Variants in KLF7 observed in about 807,000 individuals in gnomAD.
KLF7 encodes KLF transcription factor 7, also known as Krueppel-like factor 7.
Under a neutral mutation model 27.3 loss-of-function variants are expected in KLF7, and 2 were observed. That is an observed-to-expected ratio of 0.07 (90% confidence interval 0.03 to 0.23). The LOEUF is 0.23. Ranked by LOEUF, KLF7 falls within the 10% of genes least tolerant of loss-of-function variation. The pLI, the probability that KLF7 is intolerant of heterozygous loss-of-function variation, is 1.00. For missense variants in KLF7, 221 were observed against 394.1 expected, an observed-to-expected ratio of 0.56 and a Z score of 3.72; for synonymous variants, 165 against 162.4, an observed-to-expected ratio of 1.02 and a Z score of -0.12.
intron 3 of KLF7, among the ~76,000 whole-genome samples, chr2:207,084,935 G>GGTGGATCACTTGAGGTCA (rs1208093429): frequency 6.6e-6 from 1 of 151,960 alleles, no homozygotes; most frequent in African/African-American, 2.4e-5. Context: ...GGCTGAGGTG[G>GGTGGATCACTTGAGGTCA]GTGGATCACT....
intron 2 of KLF7, among the ~76,000 whole-genome samples, chr2:207,111,104 A>T (rs1881935): frequency 6.6e-6 from 1 of 151,928 alleles, no homozygotes; most frequent in Non-Finnish European, 1.5e-5. Flanking sequence ...CCCTGAGGGA[A>T]AAAATCTCCC....
intron 3 of KLF7, 136 bp downstream of exon 3, chr2:207,088,322 A>C: frequency 9.8e-7 from 1 of 1,023,962 alleles, no homozygotes. Flanking sequence ...GGTCCTCTCC[A>C]TGGAGAAAAG....
In KLF7 at chr2:207,095,336, C is replaced by A. The variant is rs543570992; in HGVS notation, c.734-6755G>T. On this transcript the variant is annotated intron_variant, in intron 2 of 3. Transcript: ENST00000309446. ...GTGCTGGGATTACAGGCGTGAGCCACCACGCCCGGCCTGTTTTTGTTCTTA... is the reference window on the plus strand; with the variant it reads ...GTGCTGGGATTACAGGCGTGAGCCAACACGCCCGGCCTGTTTTTGTTCTTA... 1.4e-4 allele frequency among the ~76,000 whole-genome samples: 21 copies of A among 152,252 alleles called. No homozygotes were observed. The East Asian group carries it at 4.1e-3, about 29-fold the overall frequency.
chr2:207,150,569 C>T (rs1470846664), intron 1 of KLF7, among the ~76,000 whole-genome samples: 5 of 152,202 alleles, frequency 3.3e-5, no homozygotes, highest in Non-Finnish European at 7.3e-5. Flanking sequence ...CTCTCACATC[C>T]ATATAGCATT....
intron 1 of KLF7, among the ~76,000 whole-genome samples, chr2:207,128,751 A>C (rs1324940588): frequency 1.3e-5 from 2 of 152,224 alleles, no homozygotes; most frequent in South Asian, 2.1e-4. Context: ...TCATGAGAAA[A>C]CAGACAAATT....
chr2:207,143,806 C>T (rs1225892073), intron 1 of KLF7, among the ~76,000 whole-genome samples: 2 of 152,144 alleles, frequency 1.3e-5, no homozygotes, highest in East Asian at 3.9e-4. Flanking sequence ...GGAAATCCAG[C>T]CCTGGTCTGA....
At chr2:207,167,168 A>T (rs2078740579), upstream of KLF7, 2 of 1,430,570 alleles carry the variant, frequency 1.4e-6, no homozygotes, top group African/African-American at 1.5e-5. Flanking sequence ...GTGTCTGCAG[A>T]GCTTCGATGG....
intron 3 of KLF7, among the ~76,000 whole-genome samples, chr2:207,083,208 G>GC (rs2076314962): frequency 6.6e-6 from 1 of 152,142 alleles, no homozygotes; most frequent in African/African-American, 2.4e-5. Flanking sequence ...AATCAATACA[G>GC]CCCGCAGGGA....
At chr2:207,166,268 GC>G (rs1185995134), upstream of KLF7, 1 of 835,064 alleles carries the variant, frequency 1.2e-6, no homozygotes, top group African/African-American at 1.8e-5. Context: ...GCGGGGCTTG[GC>G]CCTGGCGGCG....
Position 207,141,042 on chromosome 2 carries a change from GTTTC to G in KLF7, c.103-16642_103-16639del, listed in dbSNP as rs1163708638. 2.0e-5 allele frequency among the ~76,000 whole-genome samples: 3 copies of G among 152,010 alleles called. No homozygotes were observed. In the East Asian group the frequency reaches 5.8e-4, roughly 29 times the overall value. ...CAAGTCATCTCATCTTCAGTCTCTG[GTTTC>G]TTTATCAAGAAACCAAAAGTATTAG... On this transcript the variant is annotated intron_variant, in intron 1 of 3. Coordinates refer to ENST00000309446, the MANE Select transcript of KLF7 (RefSeq NM_003709.4).
At chr2:207,167,046 T>C, upstream of KLF7, 12 of 1,102,224 alleles carry the variant, frequency 1.1e-5, no homozygotes, top group Non-Finnish European at 1.4e-5. Context: ...GTTGCTCGAC[T>C]GTGCGTTAAA....
At chr2:207,104,443 T>C (rs2076834911) in intron 2 of KLF7, among the ~76,000 whole-genome samples, 1 of 152,232 alleles carries the variant, frequency 6.6e-6, no homozygotes, top group Non-Finnish European at 1.5e-5. Context: ...AGACTTGTGG[T>C]CCAATTCCAC....
At chr2:207,122,704 GC>G (rs1335987889) in intron 2 of KLF7, among the ~76,000 whole-genome samples, 1 of 152,058 alleles carries the variant, frequency 6.6e-6, no homozygotes, top group Non-Finnish European at 1.5e-5. Flanking sequence ...AGCCCAGAAG[GC>G]CCCCCAGAGC....
intron 1 of KLF7, among the ~76,000 whole-genome samples, chr2:207,133,551 C>T (rs1387577240): frequency 6.6e-6 from 1 of 152,198 alleles, no homozygotes; most frequent in African/African-American, 2.4e-5. Flanking sequence ...ACAACAATGG[C>T]CCTGTCGCTT....
intron 2 of KLF7, among the ~76,000 whole-genome samples, chr2:207,098,778 A>T (rs1283408862): frequency 9.6e-6 from 1 of 104,694 alleles, no homozygotes. Context: ...CACTTGGCTA[A>T]TTTTTTTTTT....
the KLF7 span, chr2:207,173,718 TGA>T: frequency 6.6e-6 from 1 of 152,182 alleles, no homozygotes; most frequent in African/African-American, 2.4e-5. Flanking sequence ...TGGTAGATTG[TGA>T]GTTATGGGCG....
chr2:207,145,054 G>C (rs577122177), intron 1 of KLF7, among the ~76,000 whole-genome samples: 2 of 152,292 alleles, frequency 1.3e-5, no homozygotes, highest in South Asian at 4.1e-4. Context: ...TCACCAGTCC[G>C]TTCTGGGGCA....
At chr2:207,102,241 GTCATCCTATATACC>G (rs2076784970) in intron 2 of KLF7, among the ~76,000 whole-genome samples, 1 of 150,620 alleles carries the variant, frequency 6.6e-6, no homozygotes, top group Non-Finnish European at 1.5e-5. Context: ...CACACAATCT[GTCATCCTATATACC>G]TCTAACCTCA....
chr2:207,089,198 T>C (rs1407589492), intron 2 of KLF7, among the ~76,000 whole-genome samples: 1 of 152,234 alleles, frequency 6.6e-6, no homozygotes. Context: ...TGACAATCCC[T>C]GGCATTTATG....
Sources: allele counts gnomAD v4.1 joint callset (sites outside exome capture counted in the v4.1 genomes callset), GRCh38; gene constraint gnomAD v4.1.1; transcripts MANE v1.5; gene names NCBI Gene and HGNC (gene_info 2026-07-23, HGNC 2026-07-21).